UROS: variants seen among roughly 807,000 people sequenced by gnomAD.
UROS encodes the protein uroporphyrinogen-III synthase.
A neutral mutation model predicts 33.0 loss-of-function variants in UROS; 18 were observed. That is an observed-to-expected ratio of 0.55 (90% CI 0.38 to 0.81). UROS has a LOEUF of 0.81. Among genes scored for constraint, UROS ranks in the 30% least tolerant of loss-of-function variants. The pLI is 0.00. For missense variants in UROS, 293 were observed against 314.9 expected, an observed-to-expected ratio of 0.93 and a Z score of 0.53; for synonymous variants, 114 against 121.1, an observed-to-expected ratio of 0.94 and a Z score of 0.38.
intron 7 of UROS, among the ~76,000 whole-genome samples, chr10:125,797,689 T>G (rs1336858105): frequency 6.6e-6 from 1 of 152,172 alleles, no homozygotes; most frequent in African/African-American, 2.4e-5. Flanking sequence ...GGGTGCTGCA[T>G]GCTATTATAA....
At chr10:125,819,147 G>A (rs1853624636) in intron 1 of UROS, among the ~76,000 whole-genome samples, 1 of 152,146 alleles carries the variant, frequency 6.6e-6, no homozygotes, top group Admixed American at 6.5e-5. Context: ...ACCATGCCCA[G>A]CTAATTTTTG....
chr10:125,817,777 T>A (rs1373225157), intron 1 of UROS, among the ~76,000 whole-genome samples: 1 of 152,148 alleles, frequency 6.6e-6, no homozygotes, highest in Non-Finnish European at 1.5e-5. Context: ...GAGCTGGGAT[T>A]CACACCCAAC....
chr10:125,822,552 A>C (rs1166193408), intron 1 of UROS, among the ~76,000 whole-genome samples: 2 of 151,946 alleles, frequency 1.3e-5, no homozygotes, highest in Non-Finnish European at 2.9e-5. Flanking sequence ...CGAACTCCTG[A>C]CCTCAAGTGA....
rs766865711 is a variant in UROS, at chr10:125,788,840, T to C, written c.*28A>G. On this transcript the variant is annotated 3_prime_UTR_variant, in exon 10 of 10. Transcript: ENST00000368797. ...CAGAGCCAGCCCAGCCCAGGGAGGC[T>C]GCATGGGGCCAGCGCTAGGTGGCTG... The C allele has an allele frequency of 2.5e-5, 39 of 1,562,046 alleles. 1 individual carries two copies. The Admixed American group carries it at 7.3e-4, about 29-fold the overall frequency.
In UROS at chr10:125,788,996, T is replaced by A; in HGVS notation, c.670A>T (p.Ile224Phe). The A allele has an allele frequency of 1.2e-6, 2 of 1,612,928 alleles. No homozygotes were observed. The highest frequency in any genetic ancestry group is 1.7e-6 in the Non-Finnish European group (2 of 1,179,982). The change falls in exon 10 of 10, where the codon ATC becomes TTC. Residue 224 changes from isoleucine (I) to phenylalanine (F), a missense_variant. By Grantham distance (21) the Ile-to-Phe change is conservative (BLOSUM62 0). Coordinates refer to ENST00000368797, the MANE Select transcript of UROS (RefSeq NM_000375.3). ...DNIDQIKFAA[I>F]GPTTARALAA... ...AGCGCGCGAGCCGTAGTGGGGCCGA[T>A]GGCTGCAAACTATAAAGACAGAAGA...
chr10:125,789,009 TAA>T lies in UROS; in HGVS notation c.661-6_661-5del. ...TAGTGGGGCCGATGGCTGCAAACTA[TAA>T]AGACAGAAGAGAAAACAGGGCTTCA... is the stretch of plus-strand genomic sequence containing the variant. On this transcript the variant is annotated splice_region_variant and splice_polypyrimidine_tract_variant and intron_variant, in intron 9 of 9. Transcript: ENST00000368797. 6.2e-7 allele frequency: 1 copy of T among 1,612,754 alleles called. No individual in the cohort carries two copies. The highest frequency in any genetic ancestry group is 8.5e-7 in the Non-Finnish European group (1 of 1,179,942).
At chr10:125,800,566 T>TTTC (rs1851762549) in intron 6 of UROS, among the ~76,000 whole-genome samples, 2 of 66,348 alleles carry the variant, frequency 3.0e-5, no homozygotes, top group African/African-American at 9.1e-5. Context: ...TCTTTCTTTC[T>TTTC]TTTTTTTTTT....
intron 4 of UROS, among the ~76,000 whole-genome samples, chr10:125,814,646 G>A (rs140282075): frequency 3.8e-4 from 58 of 152,322 alleles, no homozygotes; most frequent in African/African-American, 1.3e-3. Context: ...GTGAGGGACG[G>A]AGGTGGGAAG....
chr10:125,787,341 C>T (rs1850662034), downstream of UROS, among the ~76,000 whole-genome samples: 1 of 152,194 alleles, frequency 6.6e-6, no homozygotes, highest in Non-Finnish European at 1.5e-5. Context: ...CTGCCTACAG[C>T]TTGGACTTCT....
intron 6 of UROS, among the ~76,000 whole-genome samples, chr10:125,798,967 A>G (rs1394569909): frequency 6.6e-6 from 1 of 152,174 alleles, no homozygotes; most frequent in African/African-American, 2.4e-5. Context: ...ATTACCCCCC[A>G]CATCCATCCG....
chr10:125,815,258 C>A lies in UROS; in HGVS notation c.148-128G>T, dbSNP rs147024809. The A allele has an allele frequency of 3.7e-3, 3,696 of 1,009,630 alleles. 52 individuals are homozygous for A. Among genetic ancestry groups the A allele is most frequent in the South Asian group, 0.028 (2,014 of 72,550 alleles). The allele number at this position is 1,009,630 out of a possible 1,614,324, so 62.5% of individuals were successfully genotyped here. A position where few individuals can be genotyped will look rare whatever the true frequency, so the allele number is the denominator to read the frequency against. ...GCAAACTAATTCCTTCCACCCATCC[C>A]CCCAACACTTACTGAGTGCTTACTA... On this transcript the variant is annotated intron_variant, in intron 3 of 9. Coordinates refer to ENST00000368797, the MANE Select transcript of UROS (RefSeq NM_000375.3).
intron 6 of UROS, chr10:125,803,163 C>T: frequency 8.3e-7 from 1 of 1,206,520 alleles, no homozygotes; most frequent in Non-Finnish European, 1.2e-6. Flanking sequence ...AGCTCTGTTC[C>T]TTATGGACAA....
chr10:125,803,925 CT>C (rs1347786832), intron 6 of UROS, among the ~76,000 whole-genome samples: 1 of 152,262 alleles, frequency 6.6e-6, no homozygotes, highest in African/African-American at 2.4e-5. Context: ...TTTGTACAGA[CT>C]TTCCTGAAGA....
In UROS at chr10:125,801,986, TAA is replaced by T. The variant is rs1017499603; in HGVS notation, c.395-3843_395-3842del. On this transcript the variant is annotated intron_variant, in intron 6 of 9. Transcript: ENST00000368797. ...AACAGGCAGGAGCCACCTATTCTAT[TAA>T]AGAGCTAATTGTCAGCCACCCATAG... 22 of 982,488 alleles carry T rather than the reference TAA, an allele frequency of 2.2e-5. No individual in the cohort carries two copies. The African/African-American group carries it at 3.8e-4, about 17-fold the overall frequency. 60.9% of individuals were successfully genotyped at this position (982,488 alleles called of 1,614,324 possible).
At chr10:125,785,134 T>C (rs1850606816), downstream of UROS, 1 of 152,226 alleles carries the variant, frequency 6.6e-6, no homozygotes, top group African/African-American at 2.4e-5. Context: ...CGATATGTCT[T>C]TTACACTCAA....
In UROS at chr10:125,789,395, A is replaced by G; in HGVS notation, c.661-390T>C. ...AAGGGGAGGATGGTGTGGCAGGGGC[A>G]GTGACTGAATCCCCAAGAAAGTAGA... On this transcript the variant is annotated intron_variant, in intron 9 of 9. Transcript: ENST00000368797. The G allele has an allele frequency of 2.6e-6, 3 of 1,144,602 alleles. 1 individual carries two copies. The South Asian group carries it at 6.5e-5, about 25-fold the overall frequency. The allele number at this position is 1,144,602 out of a possible 1,614,324, so 70.9% of individuals were successfully genotyped here.
At chr10:125,807,890 T>C (rs1852471697) in intron 5 of UROS, among the ~76,000 whole-genome samples, 1 of 152,224 alleles carries the variant, frequency 6.6e-6, no homozygotes, top group African/African-American at 2.4e-5. Flanking sequence ...TTTGGTACTT[T>C]TTGCAGGAAT....
Position 125,812,221 on chromosome 10 carries a change from A to G in UROS, c.312T>C (p.Ala104=). 2.5e-6 allele frequency: 4 copies of G among 1,613,908 alleles called. No homozygotes were observed. In the South Asian group the frequency reaches 4.4e-5, roughly 18 times the overall value. Residue 104 remains alanine, a synonymous_variant, in exon 5 of 10, where the codon GCT becomes GCC. Coordinates refer to ENST00000368797, the MANE Select transcript of UROS (RefSeq NM_000375.3). Reference sequence around the variant, plus strand: ...TTTACCTTGACTCCTTACCTAGAGAAGCAGTAGCATTTCCAACCACATACA... The same window carrying G: ...TTTACCTTGACTCCTTACCTAGAGAGGCAGTAGCATTTCCAACCACATACA... ...KSVYVVGNAT[A]SLVSKIGLDT...
intron 9 of UROS, chr10:125,789,619 A>C (rs1850775187): frequency 6.3e-6 from 1 of 159,316 alleles, no homozygotes; most frequent in Non-Finnish European, 1.4e-5. Context: ...CCTGGCCCAG[A>C]GATAAGCTCA....
Sources: gnomAD v4.1 joint callset for allele counts (sites outside exome capture counted in the v4.1 genomes callset) on GRCh38, gnomAD v4.1.1 for gene constraint, MANE v1.5 for transcripts, NCBI Gene and HGNC (gene_info 2026-07-23, HGNC 2026-07-21) for gene names.